Variants in NELL2 observed in about 807,000 individuals in gnomAD.
The protein encoded by NELL2 is protein kinase C-binding protein NELL2.
In NELL2, 41 loss-of-function variants were observed where a neutral mutation model predicts 109.6. The observed-to-expected ratio is 0.37, with a 90% CI of 0.29 to 0.49. The LOEUF (loss-of-function observed/expected upper bound fraction) is 0.49, where lower values mean the gene tolerates loss of function less well. NELL2 is among the 20% of genes least tolerant of loss of function. The pLI is 0.98. For missense variants in NELL2, 900 were observed against 1,008.3 expected (o/e 0.89, Z 1.45); for synonymous variants, 355 against 344.7 (o/e 1.03, Z -0.33).
At chr12:44,610,049 G>C (rs1050142117) in intron 14 of NELL2, among the ~76,000 whole-genome samples, 1 of 151,856 alleles carries the variant, frequency 6.6e-6, no homozygotes, top group Non-Finnish European at 1.5e-5. Context: ...GAAAAGGCGA[G>C]TTAATGGATT....
At chr12:44,700,798 G>A (rs916485679) in intron 12 of NELL2, among the ~76,000 whole-genome samples, 2 of 152,096 alleles carry the variant, frequency 1.3e-5, no homozygotes, top group African/African-American at 4.8e-5. Context: ...CAGAATATTA[G>A]TCATGTATAT....
chr12:44,881,715 G>T (rs1945413849), intron 1 of NELL2: 1 of 151,878 alleles, frequency 6.6e-6, no homozygotes, highest in Admixed American at 6.5e-5. Context: ...ACATTTTGTT[G>T]TTGTTGTTAA....
At chr12:44,763,490 C>A (rs778535097) in intron 9 of NELL2, among the ~76,000 whole-genome samples, 1 of 151,850 alleles carries the variant, frequency 6.6e-6, no homozygotes, top group African/African-American at 2.4e-5. Flanking sequence ...TTTAGGCAAA[C>A]AAACAAACAA....
At chr12:44,903,700 A>G (rs1263777574) in intron 1 of NELL2, among the ~76,000 whole-genome samples, 1 of 152,212 alleles carries the variant, frequency 6.6e-6, no homozygotes, top group Admixed American at 6.5e-5. Flanking sequence ...GTAGAATACT[A>G]TGCAGCCATA....
At chr12:44,639,309 C>A (rs1946759725) in intron 13 of NELL2, among the ~76,000 whole-genome samples, 1 of 152,080 alleles carries the variant, frequency 6.6e-6, no homozygotes, top group Admixed American at 6.6e-5. Context: ...GCCACAGACA[C>A]CCACAAATAT....
At chr12:44,564,811 C>T (rs952994640) in intron 15 of NELL2, among the ~76,000 whole-genome samples, 2 of 152,106 alleles carry the variant, frequency 1.3e-5, no homozygotes, top group Admixed American at 6.6e-5. Context: ...ACACACTACA[C>T]GAAGACAGCC....
In NELL2 at chr12:44,585,729, T is replaced by G. The variant is rs986884426; in HGVS notation, c.1663+21440A>C. On this transcript the variant is annotated intron_variant, in intron 15 of 19. Coordinates refer to ENST00000429094, the MANE Select transcript of NELL2 (RefSeq NM_001145108.2). The stretch of plus-strand genomic sequence containing the variant: ...TTTTGCATGGGTATATAAAATATAC[T>G]GAAAGAATCTATAAGCACACATGAC... Among the ~76,000 whole-genome samples the G allele has an allele frequency of 1.4e-4, 21 of 151,844 alleles. 1 individual carries two copies. The highest frequency in any genetic ancestry group is 5.1e-4 in the African/African-American group (21 of 41,368).
At chr12:44,826,476 G>A (rs1025988031) in intron 2 of NELL2, among the ~76,000 whole-genome samples, 3 of 151,902 alleles carry the variant, frequency 2.0e-5, no homozygotes, top group African/African-American at 7.3e-5. Flanking sequence ...CTTTTATAAT[G>A]CAAACTTATA....
At chr12:44,915,610 T>C (rs1379564516), upstream of NELL2, among the ~76,000 whole-genome samples, 2 of 152,164 alleles carry the variant, frequency 1.3e-5, no homozygotes, top group African/African-American at 4.8e-5. Flanking sequence ...AGTAATATAC[T>C]TGGAAGTAAA....
chr12:44,886,449 A>G (rs958214821), intron 1 of NELL2, among the ~76,000 whole-genome samples: 10 of 151,960 alleles, frequency 6.6e-5, no homozygotes, highest in Admixed American at 2.0e-4. Flanking sequence ...GATTATATAA[A>G]TAACTCTTAT....
chr12:44,513,138 GA>G (rs1473606242), intron 19 of NELL2, among the ~76,000 whole-genome samples: 1 of 151,862 alleles, frequency 6.6e-6, no homozygotes, highest in Non-Finnish European at 1.5e-5. Flanking sequence ...GCTTTCCATT[GA>G]AGGCCTAAAA....
chr12:44,510,925 T>G (rs1245997534), intron 19 of NELL2, among the ~76,000 whole-genome samples: 1 of 152,192 alleles, frequency 6.6e-6, no homozygotes, highest in Non-Finnish European at 1.5e-5. Flanking sequence ...CTTAATTCAT[T>G]GGCCCAACAA....
In NELL2 at chr12:44,665,535, T is replaced by A; in HGVS notation, c.1393A>T (p.Met465Leu). The A allele has an allele frequency of 6.2e-7, 1 of 1,613,652 alleles. No homozygotes were observed. The highest frequency in any genetic ancestry group is 8.5e-7 in the Non-Finnish European group (1 of 1,179,560). Residue 465 changes from methionine to leucine, a missense_variant, in exon 13 of 20, where the codon ATG (methionine) becomes TTG (leucine). By Grantham distance (15) the Met-to-Leu change is conservative (BLOSUM62 2). This residue lies in a region of NELL2 where 292 missense variants were observed against 265.3 expected (regional missense o/e 1.10). Coordinates refer to ENST00000429094, the MANE Select transcript of NELL2 (RefSeq NM_001145108.2). ...ATGTATCCAGTTTTGCAGATGCACA[T>A]AAAAGAACCCGGGGTGTTGACACAC... ...TMCVNTPGSF[M>L]CICKTGYIRI...
intron 2 of NELL2, among the ~76,000 whole-genome samples, chr12:44,868,029 A>G (rs1297339604): frequency 6.7e-6 from 1 of 148,726 alleles, no homozygotes; most frequent in Non-Finnish European, 1.5e-5. Context: ...CTGATGCAGG[A>G]GAATAATTTG....
At chr12:44,644,596 A>C (rs1449673865) in intron 13 of NELL2, among the ~76,000 whole-genome samples, 1 of 82,854 alleles carries the variant, frequency 1.2e-5, no homozygotes, top group Non-Finnish European at 2.4e-5. Context: ...ATATATATAT[A>C]TATATATGTA....
intron 2 of NELL2, among the ~76,000 whole-genome samples, chr12:44,823,350 T>G (rs936916708): frequency 1.3e-5 from 2 of 152,192 alleles, no homozygotes; most frequent in Non-Finnish European, 2.9e-5. Flanking sequence ...GAACTTATCA[T>G]CTGCATAAAT....
chr12:44,611,765 G>A (rs887850169), intron 13 of NELL2, among the ~76,000 whole-genome samples: 2 of 151,930 alleles, frequency 1.3e-5, no homozygotes, highest in Admixed American at 6.6e-5. Flanking sequence ...CAAGTTCACA[G>A]GAATATCAAG....
rs1040842882 is a variant in NELL2, at chr12:44,806,741, G to A, written c.335+9245C>T. Among the ~76,000 whole-genome samples, 8 of 151,674 alleles carry A rather than the reference G, an allele frequency of 5.3e-5. No homozygotes were observed. In the East Asian group the frequency reaches 5.8e-4, roughly 11 times the overall value. On this transcript the variant is annotated intron_variant, in intron 3 of 19. Coordinates refer to ENST00000429094, the MANE Select transcript of NELL2 (RefSeq NM_001145108.2). The stretch of plus-strand genomic sequence containing the variant: ...TACTACATTTCAGTAGTAATTTTTT[G>A]CATTTGCATTTTTAAATGCATACAT...
upstream of NELL2, chr12:44,876,372 G>C (rs1379320552): frequency 8.2e-7 from 1 of 1,224,004 alleles, no homozygotes; most frequent in Non-Finnish European, 1.0e-6. Context: ...GGAGGGGCGG[G>C]CCGGGGGAGG....
Sources: allele counts gnomAD v4.1 joint callset (sites outside exome capture counted in the v4.1 genomes callset), GRCh38; gene constraint gnomAD v4.1.1; regional missense constraint gnomAD v4.1.1; transcripts MANE v1.5; gene names NCBI Gene and HGNC (gene_info 2026-07-23, HGNC 2026-07-21).